Variants in DRC11 observed in about 807,000 individuals in gnomAD.
DRC11 encodes the protein IQ and AAA domain-containing protein 1.
the DRC11 span, among the ~76,000 whole-genome samples, chr2:236,330,038 ATAT>A: frequency 6.6e-6 from 1 of 152,230 alleles, no homozygotes; most frequent in African/African-American, 2.4e-5. The surrounding 1 kb of genome is among the most constrained non-coding windows in gnomAD (Gnocchi z 5.5). Flanking sequence ...AGGAAAATTA[ATAT>A]TTTAGAAAGG....
At chr2:236,497,552 C>T in the DRC11 span, 222 of 1,217,386 alleles carry the variant, frequency 1.8e-4, no homozygotes, top group Non-Finnish European at 2.3e-4. The surrounding 1 kb of genome is among the most constrained non-coding windows in gnomAD (Gnocchi z 5.1). Flanking sequence ...ACATAAACAT[C>T]GGGCCTCTGG....
the DRC11 span, among the ~76,000 whole-genome samples, chr2:236,424,062 GA>G: frequency 9.3e-6 from 1 of 106,960 alleles, no homozygotes; most frequent in Non-Finnish European, 1.8e-5. Context: ...GGGGTGGGGG[GA>G]GGGGGGAGGG....
At chr2:236,342,053 A>G in the DRC11 span, among the ~76,000 whole-genome samples, 21 of 152,028 alleles carry the variant, frequency 1.4e-4, no homozygotes, top group African/African-American at 5.1e-4. The surrounding 1 kb of genome is among the most constrained non-coding windows in gnomAD (Gnocchi z 5.8). Context: ...CCATGCCCCA[A>G]TCCCCGGGTG....
chr2:236,359,217 A>G, the DRC11 span, among the ~76,000 whole-genome samples: 8 of 152,020 alleles, frequency 5.3e-5, no homozygotes, highest in African/African-American at 1.9e-4. The surrounding 1 kb of genome is among the most constrained non-coding windows in gnomAD (Gnocchi z 4.3). Flanking sequence ...AGTAGACTAT[A>G]TATACTATAT....
At chr2:236,499,838 A>G in the DRC11 span, among the ~76,000 whole-genome samples, 3 of 152,230 alleles carry the variant, frequency 2.0e-5, no homozygotes, top group South Asian at 2.1e-4. This position sits in a 1 kb window ranked among gnomAD's most constrained non-coding sequence, Gnocchi z 4.7. Flanking sequence ...GGAAGAGGAG[A>G]TAAGTATCCA....
chr2:236,495,275 G>A, the DRC11 span, among the ~76,000 whole-genome samples: 25 of 152,218 alleles, frequency 1.6e-4, no homozygotes, highest in African/African-American at 4.6e-4. The surrounding 1 kb of genome is among the most constrained non-coding windows in gnomAD (Gnocchi z 5.6). Flanking sequence ...CCCAGGAGGC[G>A]GAGGTTGCAG....
At chr2:236,443,541 T>C in the DRC11 span, among the ~76,000 whole-genome samples, 8 of 152,342 alleles carry the variant, frequency 5.3e-5, no homozygotes, top group Non-Finnish European at 1.2e-4. This position sits in a 1 kb window ranked among gnomAD's most constrained non-coding sequence, Gnocchi z 4.4. Context: ...GCTCCATCCA[T>C]GTCCCTGCAA....
the DRC11 span, among the ~76,000 whole-genome samples, chr2:236,445,700 A>G: frequency 6.6e-6 from 1 of 152,132 alleles, no homozygotes; most frequent in Non-Finnish European, 1.5e-5. The surrounding 1 kb of genome is among the most constrained non-coding windows in gnomAD (Gnocchi z 4.8). Context: ...ATAATTAGTC[A>G]TAATCTGAAA....
chr2:236,340,362 G>A, the DRC11 span, among the ~76,000 whole-genome samples: 1 of 152,190 alleles, frequency 6.6e-6, no homozygotes, highest in Non-Finnish European at 1.5e-5. Flanking sequence ...GACCTTAAGT[G>A]ATCTGCCCGC....
the DRC11 span, among the ~76,000 whole-genome samples, chr2:236,366,244 G>T: frequency 1.3e-5 from 2 of 152,156 alleles, no homozygotes; most frequent in Admixed American, 6.5e-5. Context: ...CTAAGCCCTA[G>T]CCCCAGGCTG....
At chr2:236,487,534 T>A in the DRC11 span, among the ~76,000 whole-genome samples, 1 of 152,136 alleles carries the variant, frequency 6.6e-6, no homozygotes, top group Non-Finnish European at 1.5e-5. Flanking sequence ...CACAAATCCA[T>A]GGTGCTTATC....
At chr2:236,311,697 C>CGTGTGT in the DRC11 span, among the ~76,000 whole-genome samples, 5,129 of 138,732 alleles carry the variant, frequency 0.037, 188 homozygotes, top group African/African-American at 0.1. The surrounding 1 kb of genome is among the most constrained non-coding windows in gnomAD (Gnocchi z 6.9). Flanking sequence ...GGATGGGGTG[C>CGTGTGT]GTGTGTGTGT....
chr2:236,347,815 C>G, the DRC11 span, among the ~76,000 whole-genome samples: 3 of 151,140 alleles, frequency 2.0e-5, no homozygotes, highest in Non-Finnish European at 4.4e-5. Context: ...AGAACTTACT[C>G]ATGTAACCAA....
chr2:236,352,793 T>C, the DRC11 span, among the ~76,000 whole-genome samples: 1 of 152,212 alleles, frequency 6.6e-6, no homozygotes, highest in African/African-American at 2.4e-5. This position sits in a 1 kb window ranked among gnomAD's most constrained non-coding sequence, Gnocchi z 7.0. Flanking sequence ...ACGGTTCTAA[T>C]TAATCCCCTG....
the DRC11 span, chr2:236,364,128 C>A: frequency 1.5e-6 from 1 of 669,578 alleles, no homozygotes; most frequent in Non-Finnish European, 2.5e-6. Context: ...ACCAGAGACA[C>A]GCCTCCATCC....
At chr2:236,357,514 ATATATT>A in the DRC11 span, among the ~76,000 whole-genome samples, 1 of 126,874 alleles carries the variant, frequency 7.9e-6, no homozygotes, top group African/African-American at 3.1e-5. Context: ...CATATTATAA[ATATATT>A]TATATATTAT....
At chr2:236,448,423 G>A in the DRC11 span, among the ~76,000 whole-genome samples, 1 of 152,006 alleles carries the variant, frequency 6.6e-6, no homozygotes, top group Non-Finnish European at 1.5e-5. This position sits in a 1 kb window ranked among gnomAD's most constrained non-coding sequence, Gnocchi z 5.3. Context: ...TGTCGCCCGG[G>A]CTGGAGTGCA....
chr2:236,395,159 T>C, the DRC11 span, among the ~76,000 whole-genome samples: 1 of 152,048 alleles, frequency 6.6e-6, no homozygotes, highest in African/African-American at 2.4e-5. Context: ...CAGATGGGAC[T>C]CTGAAGGTGA....
the DRC11 span, among the ~76,000 whole-genome samples, chr2:236,467,389 G>A: frequency 1.3e-5 from 2 of 152,136 alleles, no homozygotes; most frequent in African/African-American, 4.8e-5. Context: ...AATCACTATG[G>A]TATGGTGCAA....
Sources: allele counts gnomAD v4.1 joint callset (sites outside exome capture counted in the v4.1 genomes callset), GRCh38; gene constraint gnomAD v4.1.1; non-coding constraint Gnocchi (gnomAD v3.1); transcripts MANE v1.5; gene names NCBI Gene and HGNC (gene_info 2026-07-23, HGNC 2026-07-21).